Variants in ZSWIM5 observed in about 807,000 individuals in gnomAD.
ZSWIM5 encodes zinc finger SWIM-type containing 5, also known as zinc finger SWIM domain-containing protein 5.
In ZSWIM5, 55 loss-of-function variants were observed where a neutral mutation model predicts 119.6. The observed-to-expected ratio is 0.46, with a 90% CI of 0.37 to 0.58. ZSWIM5 has a LOEUF of 0.58. ZSWIM5 is among the 20% of genes least tolerant of loss of function. The pLI is 0.00. For missense variants in ZSWIM5, 1,193 were observed against 1,512.8 expected, an observed-to-expected ratio of 0.79 and a Z score of 3.51; for synonymous variants, 537 against 606.9, an observed-to-expected ratio of 0.88 and a Z score of 1.69.
intron 1 of ZSWIM5, among the ~76,000 whole-genome samples, chr1:45,204,303 GACT>G (rs1646174158): frequency 6.6e-6 from 1 of 152,030 alleles, no homozygotes; most frequent in African/African-American, 2.4e-5. Flanking sequence ...AAAATTTACA[GACT>G]AATAGGAAAA....
chr1:45,036,000 G>A, intron 9 of ZSWIM5, 39 bp downstream of exon 9: 1 of 1,599,734 alleles, frequency 6.3e-7, no homozygotes, highest in Non-Finnish European at 8.5e-7. Context: ...CAGGGTCATG[G>A]GCCAAAGACA....
chr1:45,044,798 TATATAA>T lies in ZSWIM5; in HGVS notation c.1433-1409_1433-1404del, dbSNP rs1180169880. Among the ~76,000 whole-genome samples the T allele has an allele frequency of 1.2e-3, 8 of 6,534 alleles. 2 individuals carry two copies. The highest frequency in any genetic ancestry group is 1.7e-3 in the African/African-American group (3 of 1,796). 4.3% of individuals were successfully genotyped at this position (6,534 alleles called of 152,430 possible). On this transcript the variant is annotated intron_variant, in intron 5 of 13. Coordinates refer to ENST00000359600, the MANE Select transcript of ZSWIM5 (RefSeq NM_020883.2). ...ATAAATATATATATATAAATATATA[TATATAA>T]ATATATATATATATATAAATATATA...
chr1:45,168,296 TG>T (rs1479090942), intron 1 of ZSWIM5, among the ~76,000 whole-genome samples: 1 of 151,464 alleles, frequency 6.6e-6, no homozygotes, highest in Non-Finnish European at 1.5e-5. Context: ...GACACAGGGT[TG>T]GGAACACCAC....
At chr1:45,082,325 A>T (rs1037808742) in intron 2 of ZSWIM5, among the ~76,000 whole-genome samples, 1 of 135,878 alleles carries the variant, frequency 7.4e-6, no homozygotes, top group African/African-American at 3.1e-5. Context: ...ATGATCAATT[A>T]AAAAAAAAAA....
chr1:45,096,580 C>T (rs893764544), intron 1 of ZSWIM5, among the ~76,000 whole-genome samples: 1 of 150,570 alleles, frequency 6.6e-6, no homozygotes, highest in Non-Finnish European at 1.5e-5. Context: ...ACACACAGCC[C>T]TCAAGTGCTT....
intron 1 of ZSWIM5, among the ~76,000 whole-genome samples, chr1:45,203,092 T>C (rs1275574582): frequency 6.6e-6 from 1 of 151,990 alleles, no homozygotes; most frequent in South Asian, 2.1e-4. Context: ...AAGAGACTAA[T>C]TTGCAATTTT....
intron 1 of ZSWIM5, among the ~76,000 whole-genome samples, chr1:45,172,227 T>A (rs1028240621): frequency 6.6e-6 from 1 of 152,130 alleles, no homozygotes; most frequent in Admixed American, 6.6e-5. Context: ...GGCTTCCCTA[T>A]ACTTTGTTTT....
chr1:45,060,245 C>A lies in ZSWIM5; in HGVS notation c.955G>T (p.Ala319Ser). The A allele has an allele frequency of 6.2e-7, 1 of 1,613,508 alleles. No homozygotes were observed. ...SNSEINQVNG[A>S]PDPTAGASID... Reference sequence around the variant, plus strand: ...CTGGCCCCAGCTGTGGGGTCAGGGGCACCTATGAAGAATGAGAACAGTGAA... The same window carrying A: ...CTGGCCCCAGCTGTGGGGTCAGGGGAACCTATGAAGAATGAGAACAGTGAA... The change falls in exon 3 of 14, where the codon GCC becomes TCC. Residue 319 changes from alanine (A) to serine (S), a missense_variant and splice_region_variant. Coordinates refer to ENST00000359600, the MANE Select transcript of ZSWIM5 (RefSeq NM_020883.2).
rs1420538142 is a variant in ZSWIM5, at chr1:45,017,549, T to C, written c.*905A>G. ...AAACAGGCATGCACAGATGTATCTA[T>C]GTACATACACACATGTACTTAGCCA... On this transcript the variant is annotated 3_prime_UTR_variant, in exon 14 of 14. Transcript: ENST00000359600. 1 of 152,264 alleles carries C rather than the reference T, an allele frequency of 6.6e-6. No individual in the cohort carries two copies. Among genetic ancestry groups the C allele is most frequent in the East Asian group, 1.9e-4 (1 of 5,194 alleles). The allele number at this position is 152,264 out of a possible 1,614,324, so 9.4% of individuals were successfully genotyped here.
intron 10 of ZSWIM5, 51 bp downstream of exon 10, chr1:45,035,637 T>C (rs746486975): frequency 1.3e-6 from 2 of 1,596,056 alleles, no homozygotes; most frequent in African/African-American, 1.3e-5. Context: ...AAAAGAGCAC[T>C]GGACACTTCT....
intron 1 of ZSWIM5, among the ~76,000 whole-genome samples, chr1:45,189,257 T>A (rs113407749): frequency 1.1e-4 from 17 of 150,946 alleles, no homozygotes; most frequent in African/African-American, 3.9e-4. Flanking sequence ...AGAGGCTGCA[T>A]TGAGCTGAGA....
At chr1:45,080,282 G>A (rs1402389179) in intron 2 of ZSWIM5, among the ~76,000 whole-genome samples, 1 of 152,188 alleles carries the variant, frequency 6.6e-6, no homozygotes, top group Non-Finnish European at 1.5e-5. Flanking sequence ...ACAGAGGGGA[G>A]GCTTGCTGGA....
intron 2 of ZSWIM5, chr1:45,070,306 A>T (rs1645213742): frequency 7.0e-7 from 1 of 1,435,370 alleles, no homozygotes; most frequent in Non-Finnish European, 9.8e-7. Flanking sequence ...GTGATGAGGA[A>T]GTAAGACGCC....
At chr1:45,028,208 A>C (rs912271851) in intron 11 of ZSWIM5, among the ~76,000 whole-genome samples, 2 of 152,278 alleles carry the variant, frequency 1.3e-5, no homozygotes, top group East Asian at 1.9e-4. Flanking sequence ...AATTTTGATG[A>C]AGTCTAATTT....
chr1:45,026,166 C>G (rs984371700), intron 11 of ZSWIM5, among the ~76,000 whole-genome samples: 2 of 152,118 alleles, frequency 1.3e-5, no homozygotes, highest in African/African-American at 2.4e-5. Context: ...TCCCAAGTAG[C>G]TGGAACTATA....
intron 11 of ZSWIM5, among the ~76,000 whole-genome samples, chr1:45,029,536 T>G (rs1435881068): frequency 6.6e-6 from 1 of 152,028 alleles, no homozygotes; most frequent in Non-Finnish European, 1.5e-5. Context: ...TGTAAAGTTA[T>G]ACATTTTTCC....
intron 2 of ZSWIM5, among the ~76,000 whole-genome samples, chr1:45,086,514 T>C (rs190811347): frequency 6.6e-6 from 1 of 152,242 alleles, no homozygotes; most frequent in African/African-American, 2.4e-5. Flanking sequence ...TGAATTAATA[T>C]ATATAAAGTC....
chr1:45,117,156 A>G (rs1035053767), intron 1 of ZSWIM5, among the ~76,000 whole-genome samples: 10 of 152,252 alleles, frequency 6.6e-5, no homozygotes, highest in African/African-American at 2.4e-4. Context: ...CTCACAACCA[A>G]GACCCGAATC....
intron 1 of ZSWIM5, among the ~76,000 whole-genome samples, chr1:45,090,488 G>A (rs1255057246): frequency 6.6e-6 from 1 of 151,980 alleles, no homozygotes; most frequent in Non-Finnish European, 1.5e-5. Flanking sequence ...CATGGCTCAG[G>A]TGCTGTAATC....
Sources: allele counts gnomAD v4.1 joint callset (sites outside exome capture counted in the v4.1 genomes callset), GRCh38; gene constraint gnomAD v4.1.1; transcripts MANE v1.5; gene names NCBI Gene and HGNC (gene_info 2026-07-23, HGNC 2026-07-21).